CPD: variants seen among roughly 807,000 people sequenced by gnomAD.
CPD encodes metallocarboxypeptidase D.
Under a neutral mutation model 138.3 loss-of-function variants are expected in CPD, and 69 were observed. That is an observed-to-expected ratio of 0.50 (90% CI 0.41 to 0.61). The LOEUF (loss-of-function observed/expected upper bound fraction) is 0.61. Among genes scored for constraint, CPD ranks in the 20% least tolerant of loss-of-function variants. The pLI is 0.00. For synonymous variants in CPD, 651 were observed against 642.1 expected, an observed-to-expected ratio of 1.01 and a Z score of -0.21; for missense variants, 1,432 against 1,733.3, an observed-to-expected ratio of 0.83 and a Z score of 3.09.
rs1410333260 is a variant in CPD, at chr17:30,379,181, G to T, written c.201G>T (p.Ala67=). The change falls in exon 1 of 21, where the codon GCG becomes GCT. Residue 67 remains alanine (A), a synonymous_variant. Coordinates refer to ENST00000225719, the MANE Select transcript of CPD (RefSeq NM_001304.5). This position sits in a 1 kb window ranked among gnomAD's most constrained non-coding sequence, Gnocchi z 7.0. ...ACCACGAAGAGGAGTTGGAGTCGGCGCTGAGGGAGGCGGCGGCCGCGGGCC... is the reference window on the plus strand; with the variant it reads ...ACCACGAAGAGGAGTTGGAGTCGGCTCTGAGGGAGGCGGCGGCCGCGGGCC... ...RYYHEEELES[A]LREAAAAGLP... 6.5e-7 allele frequency: 1 copy of T among 1,532,788 alleles called. No individual in the cohort carries two copies. The highest frequency in any genetic ancestry group is 2.5e-5 in the East Asian group (1 of 39,564). The allele number at this position is 1,532,788 out of a possible 1,614,324, so 94.9% of individuals were successfully genotyped here. A position where few individuals can be genotyped will look rare whatever the true frequency, so the allele number is the denominator to read the frequency against.
intron 14 of CPD, chr17:30,455,131 A>T (rs1249016803): frequency 3.9e-6 from 2 of 506,942 alleles, no homozygotes; most frequent in Non-Finnish European, 7.0e-6. Flanking sequence ...GTATATACAC[A>T]TCCTGAAGTA....
chr17:30,392,991 A>T (rs933333514), intron 2 of CPD, among the ~76,000 whole-genome samples: 2 of 152,240 alleles, frequency 1.3e-5, no homozygotes, highest in South Asian at 2.1e-4. Flanking sequence ...TTCTTAAGCC[A>T]CTATAAACTT....
At chr17:30,431,286 G>C (rs1329978331) in intron 7 of CPD, among the ~76,000 whole-genome samples, 1 of 152,092 alleles carries the variant, frequency 6.6e-6, no homozygotes, top group Non-Finnish European at 1.5e-5. Flanking sequence ...ATCTGTTCAA[G>C]TCCTTTGTCC....
At chr17:30,413,767 A>G (rs1468488252) in intron 2 of CPD, among the ~76,000 whole-genome samples, 2 of 152,176 alleles carry the variant, frequency 1.3e-5, no homozygotes, top group Admixed American at 6.5e-5. Context: ...AACAAGGTAG[A>G]AAAAGGGTAA....
chr17:30,451,565 T>G (rs528630981), intron 13 of CPD, 146 bp from the exon 14 acceptor site: 1 of 726,432 alleles, frequency 1.4e-6, no homozygotes, highest in South Asian at 2.9e-5. Context: ...AAAAGGAAAT[T>G]TAATTTTTTA....
intron 2 of CPD, among the ~76,000 whole-genome samples, chr17:30,388,046 A>G (rs1186150108): frequency 6.6e-6 from 1 of 152,210 alleles, no homozygotes; most frequent in Non-Finnish European, 1.5e-5. Flanking sequence ...CCCTCTCTAC[A>G]GGCAGGTCAT....
intron 7 of CPD, among the ~76,000 whole-genome samples, chr17:30,430,573 T>C (rs1912536358): frequency 6.6e-6 from 1 of 152,224 alleles, no homozygotes; most frequent in African/African-American, 2.4e-5. Flanking sequence ...TTGGGTTGTT[T>C]TGACTTTTTG....
Position 30,461,218 on chromosome 17 carries a change from A to G in CPD, c.3537A>G (p.Thr1179=). The change falls in exon 18 of 21, where the codon ACA becomes ACG. Residue 1179 remains threonine, a synonymous_variant. Coordinates refer to ENST00000225719, the MANE Select transcript of CPD (RefSeq NM_001304.5). ...SVTYGHCPEI[T]VYTSCCYFPS... is the part of the protein sequence containing the mutation. ...CCTATGGCCATTGTCCGGAAATCAC[A>G]GTATACACAAGCTGCTGTTACTTTC... The G allele has an allele frequency of 1.9e-6, 3 of 1,610,280 alleles. No individual in the cohort carries two copies. The highest frequency in any genetic ancestry group is 2.5e-6 in the Non-Finnish European group (3 of 1,178,330).
At chr17:30,387,029 C>T (rs1286590982) in intron 2 of CPD, among the ~76,000 whole-genome samples, 1 of 152,158 alleles carries the variant, frequency 6.6e-6, no homozygotes, top group Non-Finnish European at 1.5e-5. Flanking sequence ...GACTATTTTC[C>T]ACAGTAGATA....
chr17:30,389,198 T>G (rs1911281650), intron 2 of CPD, among the ~76,000 whole-genome samples: 1 of 152,192 alleles, frequency 6.6e-6, no homozygotes, highest in African/African-American at 2.4e-5. Context: ...AAGGGGTGGC[T>G]GTCCGCCTCC....
intron 12 of CPD, among the ~76,000 whole-genome samples, chr17:30,448,864 G>A (rs1913093973): frequency 6.6e-6 from 1 of 152,152 alleles, no homozygotes; most frequent in Admixed American, 6.6e-5. Context: ...CACTTTGGGA[G>A]GCTGAGGTGG....
chr17:30,432,759 TA>T (rs576479341), intron 8 of CPD, among the ~76,000 whole-genome samples: 10 of 148,910 alleles, frequency 6.7e-5, no homozygotes, highest in Admixed American at 1.3e-4. Flanking sequence ...AAATAAAAAA[TA>T]AAAAAAAAAT....
At chr17:30,425,291 C>G (rs897118768) in intron 6 of CPD, among the ~76,000 whole-genome samples, 1 of 152,174 alleles carries the variant, frequency 6.6e-6, no homozygotes, top group Non-Finnish European at 1.5e-5. Context: ...GTGAGCATAT[C>G]ACAATTTTCT....
chr17:30,414,707 T>A lies in CPD; in HGVS notation c.995-6134T>A, dbSNP rs1307047157. Among the ~76,000 whole-genome samples, 5 of 152,024 alleles carry A rather than the reference T, an allele frequency of 3.3e-5. No homozygotes were observed. The East Asian group carries it at 9.7e-4, about 29-fold the overall frequency. On this transcript the variant is annotated intron_variant, in intron 2 of 20. Coordinates refer to ENST00000225719, the MANE Select transcript of CPD (RefSeq NM_001304.5). ...TTCTGAACATATTTTGAAGTTAGAG[T>A]CGGCATGGTTTTCTGACACTTTGGA...
intron 10 of CPD, among the ~76,000 whole-genome samples, chr17:30,442,892 A>G (rs1478388322): frequency 1.3e-5 from 2 of 152,178 alleles, no homozygotes; most frequent in Admixed American, 1.3e-4. Context: ...GGTGGCCAGT[A>G]GGTAAAGATT....
At chr17:30,430,784 G>A (rs1912541400) in intron 7 of CPD, among the ~76,000 whole-genome samples, 1 of 151,644 alleles carries the variant, frequency 6.6e-6, no homozygotes, top group Admixed American at 6.6e-5. Context: ...CTCCCAAGTA[G>A]CTGGAACTGC....
intron 2 of CPD, among the ~76,000 whole-genome samples, chr17:30,401,363 C>T (rs771082769): frequency 2.7e-5 from 4 of 149,636 alleles, no homozygotes; most frequent in Non-Finnish European, 5.9e-5. Flanking sequence ...CCTCTTCTTC[C>T]TCCTCTTCCT....
At position 30,399,330 on chromosome 17, in the gene CPD, C is replaced by G. The variant is rs563476626; in HGVS notation, c.994+14094C>G. ...TATAGTATAAATATCATTTATAGAT[C>G]TAGTTAGTTGATAGTATTATTACAT... On this transcript the variant is annotated intron_variant, in intron 2 of 20. Coordinates refer to ENST00000225719, the MANE Select transcript of CPD (RefSeq NM_001304.5). Among the ~76,000 whole-genome samples the G allele has an allele frequency of 3.3e-5, 5 of 152,046 alleles. No homozygotes were observed. In the East Asian group the frequency reaches 7.7e-4, roughly 23 times the overall value.
chr17:30,464,065 G>GA (rs1044352520), intron 20 of CPD, among the ~76,000 whole-genome samples: 1 of 151,668 alleles, frequency 6.6e-6, no homozygotes, highest in Non-Finnish European at 1.5e-5. Flanking sequence ...TATGGTAAAA[G>GA]AAAAAAAATA....
Sources: allele counts gnomAD v4.1 joint callset (sites outside exome capture counted in the v4.1 genomes callset), GRCh38; gene constraint gnomAD v4.1.1; non-coding constraint Gnocchi (gnomAD v3.1); transcripts MANE v1.5; gene names NCBI Gene and HGNC (gene_info 2026-07-23, HGNC 2026-07-21).